Variants in HMGA2 observed in about 807,000 individuals in gnomAD.
The protein encoded by HMGA2 is high mobility group AT-hook 2.
A neutral mutation model predicts 19.1 loss-of-function variants in HMGA2; 8 were observed. The ratio of observed to expected loss-of-function variants is 0.42; its 90% CI spans 0.25 to 0.76. The LOEUF (loss-of-function observed/expected upper bound fraction) is 0.76, where lower values mean the gene tolerates loss of function less well. HMGA2 is among the 30% of genes least tolerant of loss of function. The pLI, the probability that HMGA2 is intolerant of heterozygous loss-of-function variation, is 0.28. For missense variants in HMGA2, 109 were observed against 136.3 expected (o/e 0.80, Z 1.00); for synonymous variants, 60 against 48.8 (o/e 1.23, Z -0.96).
At chr12:65,866,195 T>A (rs1872401666) in intron 3 of HMGA2, among the ~76,000 whole-genome samples, 1 of 152,236 alleles carries the variant, frequency 6.6e-6, no homozygotes, top group South Asian at 2.1e-4. Flanking sequence ...TGCTAGGCAC[T>A]GTGCTAGATA....
intron 3 of HMGA2, among the ~76,000 whole-genome samples, chr12:65,839,697 A>G (rs1014360940): frequency 3.3e-5 from 5 of 152,174 alleles, no homozygotes; most frequent in African/African-American, 1.2e-4. Flanking sequence ...TGTGACCTTA[A>G]AGTAAGGATA....
chr12:65,840,460 G>T (rs1161126129), intron 3 of HMGA2, among the ~76,000 whole-genome samples: 1 of 152,164 alleles, frequency 6.6e-6, no homozygotes, highest in Non-Finnish European at 1.5e-5. Flanking sequence ...ATCTGGGAGT[G>T]CGTGCACTGG....
At chr12:65,871,278 C>T (rs1181428988) in intron 3 of HMGA2, among the ~76,000 whole-genome samples, 1 of 152,128 alleles carries the variant, frequency 6.6e-6, no homozygotes, top group African/African-American at 2.4e-5. Flanking sequence ...TATTGGTTCA[C>T]GTATTGTCTA....
chr12:65,966,039 C>A lies in HMGA2; in HGVS notation c.*2747C>A. ...AGGTATGTTTGCAGGAGAAAAGTATCAAGACGTTTAACTGCAGTTGACTTT... is the reference window on the plus strand; with the variant it reads ...AGGTATGTTTGCAGGAGAAAAGTATAAAGACGTTTAACTGCAGTTGACTTT... On this transcript the variant is annotated 3_prime_UTR_variant, in exon 5 of 5. Coordinates refer to ENST00000403681, the MANE Select transcript of HMGA2 (RefSeq NM_003483.6). The A allele has an allele frequency of 4.5e-6, 1 of 221,280 alleles. No individual in the cohort carries two copies. Among genetic ancestry groups the A allele is most frequent in the Non-Finnish European group, 9.1e-6 (1 of 110,154 alleles). The allele number at this position is 221,280 out of a possible 1,614,324, so 13.7% of individuals were successfully genotyped here.
At chr12:65,896,108 G>A (rs897072186) in intron 3 of HMGA2, among the ~76,000 whole-genome samples, 8 of 152,216 alleles carry the variant, frequency 5.3e-5, no homozygotes, top group Admixed American at 5.2e-4. Context: ...TAGAAGTTCT[G>A]TAGTTCATCC....
At chr12:65,861,101 C>T (rs1391637865) in intron 3 of HMGA2, among the ~76,000 whole-genome samples, 1 of 152,184 alleles carries the variant, frequency 6.6e-6, no homozygotes, top group Admixed American at 6.5e-5. Flanking sequence ...GGTGTGGTGG[C>T]TCATGCCTAT....
intron 3 of HMGA2, among the ~76,000 whole-genome samples, chr12:65,879,384 C>T (rs902284623): frequency 3.3e-5 from 5 of 152,240 alleles, no homozygotes; most frequent in African/African-American, 1.2e-4. Context: ...CCACCTTGGC[C>T]CCCGCAAAGT....
intron 3 of HMGA2, among the ~76,000 whole-genome samples, chr12:65,907,651 G>A (rs1308656348): frequency 1.3e-5 from 2 of 152,098 alleles, no homozygotes; most frequent in Admixed American, 6.5e-5. Flanking sequence ...AAGATAGGGT[G>A]GCCACTTACA....
chr12:65,888,452 C>T (rs1217348388), intron 3 of HMGA2, among the ~76,000 whole-genome samples: 1 of 149,256 alleles, frequency 6.7e-6, no homozygotes, highest in Non-Finnish European at 1.5e-5. Flanking sequence ...GAGACTCAGT[C>T]CCCCCCAAAA....
At chr12:65,939,510 C>T (rs1438838400) in intron 3 of HMGA2, among the ~76,000 whole-genome samples, 1 of 152,100 alleles carries the variant, frequency 6.6e-6, no homozygotes, top group Non-Finnish European at 1.5e-5. Context: ...CACCCACCAC[C>T]ACACCTGGCT....
chr12:65,922,712 T>C (rs1875359804), intron 3 of HMGA2, among the ~76,000 whole-genome samples: 2 of 152,130 alleles, frequency 1.3e-5, no homozygotes, highest in African/African-American at 2.4e-5. Context: ...AGGGGCAGTA[T>C]GATATGGTTT....
intron 4 of HMGA2, 52 bp downstream of exon 4, chr12:65,951,467 A>C (rs559992742): frequency 8.6e-7 from 1 of 1,157,642 alleles, no homozygotes; most frequent in Admixed American, 2.1e-5. Flanking sequence ...AAAGTGAAAT[A>C]TGTACTGAAA....
At chr12:65,901,996 A>G (rs1415385072) in intron 3 of HMGA2, among the ~76,000 whole-genome samples, 1 of 152,188 alleles carries the variant, frequency 6.6e-6, no homozygotes, top group Non-Finnish European at 1.5e-5. Context: ...ATAAAAATGG[A>G]TGGTGTTGAT....
intron 3 of HMGA2, among the ~76,000 whole-genome samples, chr12:65,930,465 G>C (rs1401182346): frequency 2.0e-5 from 3 of 152,172 alleles, no homozygotes; most frequent in Non-Finnish European, 4.4e-5. Context: ...GAGAGTTTGC[G>C]GGGAGCTTGG....
chr12:65,878,468 T>C (rs1375140146), intron 3 of HMGA2, among the ~76,000 whole-genome samples: 4 of 152,246 alleles, frequency 2.6e-5, no homozygotes, highest in Non-Finnish European at 5.9e-5. Context: ...AAGCGCACAC[T>C]TTTTCTTTTG....
chr12:65,898,046 T>A (rs959879287), intron 3 of HMGA2, among the ~76,000 whole-genome samples: 6 of 152,150 alleles, frequency 3.9e-5, no homozygotes, highest in African/African-American at 1.4e-4. Context: ...CCACTGATGC[T>A]AATTCTTCAT....
chr12:65,873,423 G>T (rs1592407885), intron 3 of HMGA2, among the ~76,000 whole-genome samples: 2 of 152,238 alleles, frequency 1.3e-5, no homozygotes, highest in South Asian at 4.1e-4. Context: ...TCTAGGCTAA[G>T]TGTAGATGGC....
intron 4 of HMGA2, among the ~76,000 whole-genome samples, chr12:65,961,738 A>AGTGTGTGTGTGT (rs66619603): frequency 6.7e-5 from 10 of 150,166 alleles, no homozygotes; most frequent in African/African-American, 2.2e-4. Flanking sequence ...CCCAGGATAG[A>AGTGTGTGTGTGT]GTGTGTGTGT....
intron 3 of HMGA2, among the ~76,000 whole-genome samples, chr12:65,933,722 C>T (rs1448746508): frequency 6.6e-6 from 1 of 152,086 alleles, no homozygotes; most frequent in African/African-American, 2.4e-5. Flanking sequence ...TCAAAAATGT[C>T]TTTATCTTTT....
Sources: allele counts gnomAD v4.1 joint callset (sites outside exome capture counted in the v4.1 genomes callset), GRCh38; gene constraint gnomAD v4.1.1; transcripts MANE v1.5; gene names NCBI Gene and HGNC (gene_info 2026-07-23, HGNC 2026-07-21).